The following UXS1 variants were observed in gnomAD, a reference collection of about 807,000 sequenced individuals.
The protein encoded by UXS1 is UDP-glucuronate decarboxylase 1.
In UXS1, 33 loss-of-function variants were observed where a neutral mutation model predicts 62.6. The observed-to-expected ratio is 0.53, with a 90% confidence interval of 0.40 to 0.70. The LOEUF is 0.70. Among genes scored for constraint, UXS1 ranks in the 30% least tolerant of loss-of-function variants. The pLI, the probability that UXS1 is intolerant of heterozygous loss-of-function variation, is 0.00. For synonymous variants in UXS1, 213 were observed against 206.8 expected (o/e 1.03, Z -0.26); for missense variants, 434 against 556.3 (o/e 0.78, Z 2.21).
chr2:106,156,532 T>C (rs539482271), intron 5 of UXS1, among the ~76,000 whole-genome samples: 1 of 152,230 alleles, frequency 6.6e-6, no homozygotes, highest in South Asian at 2.1e-4. Context: ...CGTACAGTCA[T>C]CCCTCAGTAT....
chr2:106,121,693 A>G (rs1679534268), intron 9 of UXS1, among the ~76,000 whole-genome samples: 1 of 152,244 alleles, frequency 6.6e-6, no homozygotes, highest in African/African-American at 2.4e-5. Context: ...CCAACAGACT[A>G]AAGTCGCTTA....
chr2:106,093,964 A>G lies in UXS1; in HGVS notation c.*62T>C. Reference sequence around the variant, plus strand: ...GTCTTTCTTTAAACGACAACAAAAAAAAGCCAAAAATACATCCCATCAAGT... The same window carrying G: ...GTCTTTCTTTAAACGACAACAAAAAGAAGCCAAAAATACATCCCATCAAGT... On this transcript the variant is annotated 3_prime_UTR_variant, in exon 15 of 15. Coordinates refer to ENST00000283148, the MANE Select transcript of UXS1 (RefSeq NM_001253875.2). 6.7e-7 allele frequency: 1 copy of G among 1,481,806 alleles called. No homozygotes were observed. Among genetic ancestry groups the G allele is most frequent in the African/African-American group, 1.5e-5 (1 of 68,790 alleles). The allele number at this position is 1,481,806 out of a possible 1,614,324, so 91.8% of individuals were successfully genotyped here. A position where few individuals can be genotyped will look rare whatever the true frequency, so the allele number is the denominator to read the frequency against.
chr2:106,101,174 C>T (rs372509745), intron 11 of UXS1, 56 bp from the exon 12 acceptor site: 30 of 1,589,850 alleles, frequency 1.9e-5, no homozygotes, highest in East Asian at 1.8e-4. Context: ...GCTAGTGCCA[C>T]GCACCACATA....
At chr2:106,147,533 C>T (rs894837658) in intron 5 of UXS1, among the ~76,000 whole-genome samples, 24 of 150,672 alleles carry the variant, frequency 1.6e-4, no homozygotes, top group African/African-American at 5.9e-4. Context: ...CAGTGAGTGG[C>T]AATTGTGCCA....
intron 1 of UXS1, among the ~76,000 whole-genome samples, chr2:106,181,716 A>C (rs1176341737): frequency 6.6e-6 from 1 of 152,030 alleles, no homozygotes; most frequent in Non-Finnish European, 1.5e-5. Flanking sequence ...ACTCCATCTC[A>C]AAAAAAATAA....
At chr2:106,172,041 T>C (rs1300112834) in intron 1 of UXS1, among the ~76,000 whole-genome samples, 1 of 152,078 alleles carries the variant, frequency 6.6e-6, no homozygotes, top group African/African-American at 2.4e-5. Context: ...TCCTTGCTCC[T>C]CCATCCCCCA....
rs150040002 is a variant in UXS1, at chr2:106,105,816, C to T, written c.880-979G>A. On this transcript the variant is annotated intron_variant, in intron 10 of 14. Coordinates refer to ENST00000283148, the MANE Select transcript of UXS1 (RefSeq NM_001253875.2). ...GCGCGGCATCACAGGAACAAGAGTG[C>T]CCTCGGGGGTTTTGTTTGCTTGTGT... is the stretch of plus-strand genomic sequence containing the variant. Among the ~76,000 whole-genome samples, 816 of 152,280 alleles carry T rather than the reference C, an allele frequency of 5.4e-3. 6 individuals carry two copies. Among genetic ancestry groups the T allele is most frequent in the Middle Eastern group, 0.031 (9 of 294 alleles).
In UXS1 at chr2:106,138,235, C is replaced by T. The variant is rs527650601; in HGVS notation, c.472+6955G>A. On this transcript the variant is annotated intron_variant, in intron 6 of 14. Transcript: ENST00000283148. The stretch of plus-strand genomic sequence containing the variant: ...TTTCTTCTTCAAAGCTCAATCCAGA[C>T]GTCAGTCTGTATGGGAAACCTTCTC... 83 of 985,506 alleles carry T rather than the reference C, an allele frequency of 8.4e-5. No individual in the cohort carries two copies. The African/African-American group carries it at 8.7e-4, about 10-fold the overall frequency. 61.0% of individuals were successfully genotyped at this position (985,506 alleles called of 1,614,324 possible). A position where few individuals can be genotyped will look rare whatever the true frequency, so the allele number is the denominator to read the frequency against.
chr2:106,122,906 C>T, intron 9 of UXS1, 64 bp downstream of exon 9: 1 of 1,592,488 alleles, frequency 6.3e-7, no homozygotes, highest in Admixed American at 1.7e-5. Context: ...CTTTACAACA[C>T]TTTACATCTG....
chr2:106,188,149 T>C (rs1193792495), intron 1 of UXS1, among the ~76,000 whole-genome samples: 3 of 152,216 alleles, frequency 2.0e-5, no homozygotes, highest in African/African-American at 4.8e-5. Flanking sequence ...TTTTTGAATA[T>C]AGGCAATCTA....
At chr2:106,168,513 C>T (rs1303789362) in intron 1 of UXS1, among the ~76,000 whole-genome samples, 1 of 152,192 alleles carries the variant, frequency 6.6e-6, no homozygotes, top group Admixed American at 6.5e-5. Context: ...TTTAAGGACT[C>T]GCCTTGAATT....
intron 6 of UXS1, among the ~76,000 whole-genome samples, chr2:106,130,941 C>T (rs984764152): frequency 1.3e-5 from 2 of 152,088 alleles, no homozygotes; most frequent in Non-Finnish European, 2.9e-5. Flanking sequence ...GTCTACAGCT[C>T]CCAGCGTGAG....
intron 10 of UXS1, among the ~76,000 whole-genome samples, chr2:106,109,521 A>C (rs577757971): frequency 6.6e-6 from 1 of 152,318 alleles, no homozygotes; most frequent in South Asian, 2.1e-4. Flanking sequence ...AAATCACATA[A>C]GGTGGAAAGC....
chr2:106,129,910 T>A, intron 6 of UXS1, 132 bp from the exon 7 acceptor site: 1 of 557,692 alleles, frequency 1.8e-6, no homozygotes, highest in Non-Finnish European at 3.1e-6. Flanking sequence ...ATTCTTCATA[T>A]AAACTAATTT....
intron 9 of UXS1, among the ~76,000 whole-genome samples, chr2:106,117,302 C>T (rs1472397743): frequency 6.6e-6 from 1 of 152,202 alleles, no homozygotes; most frequent in Non-Finnish European, 1.5e-5. Flanking sequence ...AGGTGGATAG[C>T]TCACATTTAT....
intron 6 of UXS1, among the ~76,000 whole-genome samples, chr2:106,139,241 C>T (rs3806506): frequency 6.6e-6 from 1 of 152,104 alleles, no homozygotes; most frequent in African/African-American, 2.4e-5. Context: ...GACCCTGCCA[C>T]GACCTTTCAC....
At chr2:106,106,818 G>A (rs774607646) in intron 10 of UXS1, among the ~76,000 whole-genome samples, 7 of 152,154 alleles carry the variant, frequency 4.6e-5, no homozygotes, top group Non-Finnish European at 8.8e-5. Context: ...CACCAGTGCC[G>A]TAGGTGTAAC....
At chr2:106,163,029 A>AG (rs1489549544) in intron 4 of UXS1, among the ~76,000 whole-genome samples, 3 of 152,164 alleles carry the variant, frequency 2.0e-5, no homozygotes, top group Admixed American at 1.3e-4. Context: ...CTGCTACTCT[A>AG]GATAGTTTTC....
intron 9 of UXS1, among the ~76,000 whole-genome samples, chr2:106,115,087 G>A (rs543545917): frequency 3.0e-4 from 45 of 152,332 alleles, no homozygotes; most frequent in African/African-American, 9.9e-4. Context: ...GTGGGACCAT[G>A]TGGGCAGGCA....
Sources: allele counts gnomAD v4.1 joint callset (sites outside exome capture counted in the v4.1 genomes callset), GRCh38; gene constraint gnomAD v4.1.1; transcripts MANE v1.5; gene names NCBI Gene and HGNC (gene_info 2026-07-23, HGNC 2026-07-21).